Variants in PRKCH observed in about 807,000 individuals in gnomAD.
PRKCH encodes protein kinase C eta, also known as protein kinase C eta type.
PRKCH carries 28 observed loss-of-function variants against 82.5 expected under a neutral mutation model. The ratio of observed to expected loss-of-function variants is 0.34; its 90% CI spans 0.25 to 0.47. The LOEUF is 0.47. PRKCH is among the 20% of genes least tolerant of loss of function. The probability of loss-of-function intolerance (pLI) is 1.00; values close to 1 mark genes in which losing one functional copy is unlikely to be tolerated. For synonymous variants in PRKCH, 322 were observed against 327.4 expected (o/e 0.98, Z 0.18); for missense variants, 705 against 881.8 (o/e 0.80, Z 2.54).
At chr14:61,432,080 T>G (rs1360025166) in intron 2 of PRKCH, among the ~76,000 whole-genome samples, 1 of 151,730 alleles carries the variant, frequency 6.6e-6, no homozygotes, top group South Asian at 2.1e-4. Flanking sequence ...TTTTTTTTTT[T>G]TTAAGTGATT....
chr14:61,357,087 G>A (rs115209973), intron 1 of PRKCH, among the ~76,000 whole-genome samples: 3,230 of 152,276 alleles, frequency 0.021, 62 homozygotes, highest in African/African-American at 0.049. Flanking sequence ...GCAAGTCATC[G>A]GAACACTGGT....
intron 10 of PRKCH, among the ~76,000 whole-genome samples, chr14:61,514,677 G>A (rs1207338410): frequency 6.6e-6 from 1 of 152,216 alleles, no homozygotes; most frequent in East Asian, 1.9e-4. Flanking sequence ...TGGTCAGGGA[G>A]GGAGTTGCTG....
intron 10 of PRKCH, among the ~76,000 whole-genome samples, chr14:61,521,353 T>C (rs12589093): frequency 0.12 from 18,773 of 152,142 alleles, 1,289 homozygotes; most frequent in African/African-American, 0.18. Context: ...AATACCATTA[T>C]TTATTTAGCC....
chr14:61,427,844 C>T (rs1883188699), intron 2 of PRKCH, among the ~76,000 whole-genome samples: 1 of 151,988 alleles, frequency 6.6e-6, no homozygotes, highest in Non-Finnish European at 1.5e-5. Context: ...CCTCAGCCTC[C>T]TGGAGTGCTG....
chr14:61,475,836 ACTT>A (rs901593200), intron 9 of PRKCH, among the ~76,000 whole-genome samples: 3 of 152,298 alleles, frequency 2.0e-5, no homozygotes, highest in Admixed American at 1.3e-4. Flanking sequence ...TACCTTGAAA[ACTT>A]CTTATTTGCC....
At chr14:61,293,309 C>T (rs112328505) in intron 1 of PRKCH, among the ~76,000 whole-genome samples, 3,006 of 152,272 alleles carry the variant, frequency 0.02, 58 homozygotes, top group Middle Eastern at 0.054. Context: ...AAGGGCAATA[C>T]GCTAGAGCTT....
intron 1 of PRKCH, among the ~76,000 whole-genome samples, chr14:61,210,776 CTCTCTCTCTCTCTCTGTGTGTG>C (rs2044569953): frequency 8.7e-6 from 1 of 115,090 alleles, no homozygotes; most frequent in Middle Eastern, 4.3e-3. Context: ...CTCTCTCTCT[CTCTCTCTCTCTCTCTGTGTGTG>C]TGTGTGTGTG....
chr14:61,509,301 G>A (rs1887278499), intron 10 of PRKCH, among the ~76,000 whole-genome samples: 1 of 152,050 alleles, frequency 6.6e-6, no homozygotes, highest in African/African-American at 2.4e-5. Context: ...GCCCTTTGTT[G>A]GCTGACACTT....
intron 10 of PRKCH, among the ~76,000 whole-genome samples, chr14:61,506,090 A>G (rs1461879582): frequency 6.6e-6 from 1 of 152,096 alleles, no homozygotes; most frequent in Non-Finnish European, 1.5e-5. Flanking sequence ...TCAGTCTTAC[A>G]TTTCAATAGG....
chr14:61,216,512 G>A (rs527416602), intron 1 of PRKCH, among the ~76,000 whole-genome samples: 64 of 151,996 alleles, frequency 4.2e-4, no homozygotes, highest in Non-Finnish European at 7.4e-4. Context: ...AACCAGAAAA[G>A]TCAAAGGTTG....
chr14:61,269,256 T>C (rs975661304), intron 1 of PRKCH, among the ~76,000 whole-genome samples: 2 of 152,206 alleles, frequency 1.3e-5, no homozygotes, highest in South Asian at 4.1e-4. Context: ...AAATTAATGA[T>C]AAATTTTTTG....
chr14:61,223,793 A>G (rs772912466), intron 1 of PRKCH, among the ~76,000 whole-genome samples: 9 of 152,142 alleles, frequency 5.9e-5, no homozygotes, highest in Non-Finnish European at 8.8e-5. Context: ...GGCTTTCTCA[A>G]AACTTCACCC....
chr14:61,289,167 A>G (rs1352357135), intron 1 of PRKCH, among the ~76,000 whole-genome samples: 2 of 152,184 alleles, frequency 1.3e-5, no homozygotes, highest in Non-Finnish European at 2.9e-5. Flanking sequence ...TTAAAACATT[A>G]CTGGGTGAGC....
intron 1 of PRKCH, among the ~76,000 whole-genome samples, chr14:61,188,384 G>C (rs951413876): frequency 6.6e-6 from 1 of 152,204 alleles, no homozygotes; most frequent in Non-Finnish European, 1.5e-5. Context: ...AACCGAGGAA[G>C]GCTGGCCCGC....
intron 1 of PRKCH, among the ~76,000 whole-genome samples, chr14:61,225,390 C>T (rs2044689207): frequency 6.6e-6 from 1 of 152,200 alleles, no homozygotes. Flanking sequence ...GGGGAGATGA[C>T]AGTGTGAGGC....
intron 10 of PRKCH, among the ~76,000 whole-genome samples, chr14:61,509,791 T>G (rs1453572522): frequency 6.6e-6 from 1 of 152,114 alleles, no homozygotes. Flanking sequence ...GGTGGGTTCC[T>G]CTAATCCCAG....
chr14:61,248,819 T>C (rs538900739), intron 1 of PRKCH, among the ~76,000 whole-genome samples: 1 of 152,058 alleles, frequency 6.6e-6, no homozygotes, highest in African/African-American at 2.4e-5. Flanking sequence ...TGTATGTATT[T>C]AGAGACAGCA....
At chr14:61,203,820 G>T (rs2044501986) in intron 1 of PRKCH, among the ~76,000 whole-genome samples, 1 of 151,878 alleles carries the variant, frequency 6.6e-6, no homozygotes, top group Non-Finnish European at 1.5e-5. Context: ...CAGCCTGGGA[G>T]ACAAAGAGAG....
At chr14:61,201,762 T>C (rs1278265867) in intron 1 of PRKCH, among the ~76,000 whole-genome samples, 1 of 152,006 alleles carries the variant, frequency 6.6e-6, no homozygotes, top group African/African-American at 2.4e-5. Context: ...TATATGTGAG[T>C]CAAATTCGTA....
Sources: gnomAD v4.1 joint callset for allele counts (sites outside exome capture counted in the v4.1 genomes callset) on GRCh38, gnomAD v4.1.1 for gene constraint, MANE v1.5 for transcripts, NCBI Gene and HGNC (gene_info 2026-07-23, HGNC 2026-07-21) for gene names.